PDE4A: variants seen among roughly 807,000 people sequenced by gnomAD.
PDE4A encodes phosphodiesterase 4A.
A neutral mutation model predicts 73.9 loss-of-function variants in PDE4A; 21 were observed. The ratio of observed to expected loss-of-function variants is 0.28; its 90% CI spans 0.20 to 0.41. PDE4A has a LOEUF of 0.41. Among genes scored for constraint, PDE4A ranks in the 10% least tolerant of loss-of-function variants. The pLI is 1.00. For synonymous variants in PDE4A, 463 were observed against 505.4 expected, an observed-to-expected ratio of 0.92 and a Z score of 1.13; for missense variants, 958 against 1,211.4, an observed-to-expected ratio of 0.79 and a Z score of 3.10.
At chr19:10,454,445 G>A (rs1203557246) in intron 6 of PDE4A, among the ~76,000 whole-genome samples, 2 of 152,228 alleles carry the variant, frequency 1.3e-5, no homozygotes, top group East Asian at 3.9e-4. Context: ...GCTGGTTGGA[G>A]GGGGAGTTGC....
intron 1 of PDE4A, among the ~76,000 whole-genome samples, chr19:10,435,965 C>T (rs889829817): frequency 6.6e-6 from 1 of 152,174 alleles, no homozygotes. Flanking sequence ...ACAGAAACAG[C>T]AGGGCCCCAG....
At chr19:10,449,503 G>T (rs149324369) in intron 4 of PDE4A, among the ~76,000 whole-genome samples, 3,559 of 152,068 alleles carry the variant, frequency 0.023, 58 homozygotes, top group Non-Finnish European at 0.035. Flanking sequence ...GGGATTACAG[G>T]CATGCACCAC....
At chr19:10,417,819 C>A, upstream of PDE4A, 1 of 1,557,954 alleles carries the variant, frequency 6.4e-7, no homozygotes, top group East Asian at 2.4e-5. Context: ...CACCCTGCCG[C>A]TGCTGATCCC....
intron 11 of PDE4A, 132 bp downstream of exon 11, chr19:10,461,235 T>A: frequency 4.7e-6 from 2 of 425,258 alleles, no homozygotes; most frequent in South Asian, 1.1e-4. Context: ...GGAAAGGGGA[T>A]GGCCGGGCAG....
intron 1 of PDE4A, among the ~76,000 whole-genome samples, chr19:10,443,703 A>G (rs567360179): frequency 6.6e-6 from 1 of 151,544 alleles, no homozygotes; most frequent in South Asian, 2.1e-4. Flanking sequence ...ATAGAGCGAG[A>G]TTTCATCTCA....
chr19:10,442,655 C>T (rs2042952897), intron 1 of PDE4A, among the ~76,000 whole-genome samples: 1 of 151,496 alleles, frequency 6.6e-6, no homozygotes, highest in Non-Finnish European at 1.5e-5. Context: ...ACAGACTATC[C>T]TGGGCAACAT....
chr19:10,433,168 C>T (rs1321385392), intron 1 of PDE4A, among the ~76,000 whole-genome samples: 1 of 152,146 alleles, frequency 6.6e-6, no homozygotes, highest in African/African-American at 2.4e-5. Context: ...CAGACACACA[C>T]ACAGGGCCGC....
At chr19:10,451,145 A>G (rs2043084769) in intron 6 of PDE4A, among the ~76,000 whole-genome samples, 1 of 151,902 alleles carries the variant, frequency 6.6e-6, no homozygotes, top group Non-Finnish European at 1.5e-5. Context: ...GCTGGGCCCT[A>G]TGGATGGAGC....
intron 1 of PDE4A, among the ~76,000 whole-genome samples, chr19:10,440,587 C>G (rs913799922): frequency 6.6e-6 from 1 of 152,022 alleles, no homozygotes; most frequent in Non-Finnish European, 1.5e-5. Context: ...CCATGCCTGG[C>G]TAATTATTTT....
At chr19:10,455,338 C>T (rs2043153562) in intron 7 of PDE4A, among the ~76,000 whole-genome samples, 1 of 151,968 alleles carries the variant, frequency 6.6e-6, no homozygotes, top group Admixed American at 6.6e-5. Context: ...GTGGTGGGTG[C>T]CTGTAATCCC....
chr19:10,463,101 G>GT (rs2043301419), intron 13 of PDE4A, among the ~76,000 whole-genome samples: 1 of 147,530 alleles, frequency 6.8e-6, no homozygotes, highest in Admixed American at 6.7e-5. Context: ...TTCTGTTTTT[G>GT]GTTTTTTTTT....
intron 1 of PDE4A, among the ~76,000 whole-genome samples, chr19:10,445,683 A>G (rs1417511521): frequency 1.3e-5 from 2 of 149,980 alleles, no homozygotes; most frequent in African/African-American, 2.5e-5. Context: ...CAGAAAAATC[A>G]CTTGAATCCG....
intron 7 of PDE4A, among the ~76,000 whole-genome samples, chr19:10,455,605 G>A (rs779403706): frequency 3.9e-5 from 6 of 152,062 alleles, no homozygotes; most frequent in Non-Finnish European, 8.8e-5. Flanking sequence ...CTGCGTTCCA[G>A]CCTGGGCAAT....
rs1339700854 is a variant in PDE4A, at chr19:10,458,439, C to A, written c.1101+337C>A. Among the ~76,000 whole-genome samples, 1 of 152,096 alleles carries A rather than the reference C, an allele frequency of 6.6e-6. No individual in the cohort carries two copies. Among genetic ancestry groups the A allele is most frequent in the Non-Finnish European group, 1.5e-5 (1 of 68,014 alleles). On this transcript the variant is annotated intron_variant, in intron 8 of 14. Coordinates refer to ENST00000380702, the MANE Select transcript of PDE4A (RefSeq NM_001111307.2). This position sits in a 1 kb window ranked among gnomAD's most constrained non-coding sequence, Gnocchi z 4.6. Reference sequence around the variant, plus strand: ...GCAGTGACGCTAATCCAGACTGTGCCCCCATAGTGTCCCCAACAGTCCAGA... The same window carrying A: ...GCAGTGACGCTAATCCAGACTGTGCACCCATAGTGTCCCCAACAGTCCAGA...
Position 10,424,099 on chromosome 19 carries a change from A to C in PDE4A, c.320+3015A>C, listed in dbSNP as rs2042684251. On this transcript the variant is annotated intron_variant, in intron 1 of 14. Coordinates refer to ENST00000380702, the MANE Select transcript of PDE4A (RefSeq NM_001111307.2). The surrounding 1 kb of genome is among the most constrained non-coding windows in gnomAD (Gnocchi z 4.8). Reference sequence around the variant, plus strand: ...TCAAAGGAATCCCCAGAGAGAGGGCACTGCCCACCCCCAACCGGAGATGTC... The same window carrying C: ...TCAAAGGAATCCCCAGAGAGAGGGCCCTGCCCACCCCCAACCGGAGATGTC... Among the ~76,000 whole-genome samples, 1 of 152,188 alleles carries C rather than the reference A, an allele frequency of 6.6e-6. No individual in the cohort carries two copies. The highest frequency in any genetic ancestry group is 1.5e-5 in the Non-Finnish European group (1 of 68,036).
In PDE4A at chr19:10,461,072, T is replaced by G; in HGVS notation, c.1434T>G (p.Pro478=). Residue 478 remains proline, a synonymous_variant, in exon 11 of 15, where the codon CCT becomes CCG. Coordinates refer to ENST00000380702, the MANE Select transcript of PDE4A (RefSeq NM_001111307.2). Reference sequence around the variant, plus strand: ...CTGCCATCCACGATGTGGATCACCCTGGGGTCTCCAACCAGTTCCTCATCA... The same window carrying G: ...CTGCCATCCACGATGTGGATCACCCGGGGGTCTCCAACCAGTTCCTCATCA... ...FAAAIHDVDH[P]GVSNQFLINT... 6.2e-7 allele frequency: 1 copy of G among 1,613,404 alleles called. No individual in the cohort carries two copies. Among genetic ancestry groups the G allele is most frequent in the Non-Finnish European group, 8.5e-7 (1 of 1,179,506 alleles).
At chr19:10,452,920 G>A (rs2043114389) in intron 6 of PDE4A, 3 of 1,062,190 alleles carry the variant, frequency 2.8e-6, no homozygotes, top group Non-Finnish European at 2.3e-6. Context: ...GTGCTGCAGT[G>A]AGCACACACG....
intron 1 of PDE4A, among the ~76,000 whole-genome samples, chr19:10,444,189 T>C (rs907316005): frequency 4.6e-5 from 7 of 151,994 alleles, no homozygotes; most frequent in African/African-American, 1.7e-4. Flanking sequence ...GAGACCAGCC[T>C]GACCAACATG....
chr19:10,452,900 C>G (rs1459370620), intron 6 of PDE4A: 2 of 1,010,382 alleles, frequency 2.0e-6, no homozygotes, highest in Non-Finnish European at 2.4e-6. Context: ...ACATCCCATG[C>G]AGCCTGCCAG....
Sources: allele counts gnomAD v4.1 joint callset (sites outside exome capture counted in the v4.1 genomes callset), GRCh38; gene constraint gnomAD v4.1.1; non-coding constraint Gnocchi (gnomAD v3.1); transcripts MANE v1.5; gene names NCBI Gene and HGNC (gene_info 2026-07-23, HGNC 2026-07-21).